The following ANKFN1 variants were observed in gnomAD, a reference collection of about 807,000 sequenced individuals.
The protein encoded by ANKFN1 is ankyrin repeat and fibronectin type III domain containing 1, also known as ankyrin repeat and fibronectin type-III domain-containing protein 1.
In ANKFN1, 74 loss-of-function variants were observed where a neutral mutation model predicts 108.7. The observed-to-expected ratio is 0.68, with a 90% CI of 0.56 to 0.83. ANKFN1 has a LOEUF of 0.83. Among genes scored for constraint, ANKFN1 ranks in the 40% least tolerant of loss-of-function variants. ANKFN1 has a pLI of 0.00. For synonymous variants in ANKFN1, 547 were observed against 516.2 expected, an observed-to-expected ratio of 1.06 and a Z score of -0.81; for missense variants, 1,505 against 1,382.3, an observed-to-expected ratio of 1.09 and a Z score of -1.41.
chr17:56,378,780 G>C (rs2047010167), intron 8 of ANKFN1, among the ~76,000 whole-genome samples: 1 of 152,140 alleles, frequency 6.6e-6, no homozygotes, highest in Non-Finnish European at 1.5e-5. Context: ...ATATGAAAGT[G>C]GGGTTAGTGA....
chr17:56,300,550 AT>A (rs2044643217), intron 3 of ANKFN1, among the ~76,000 whole-genome samples: 2 of 147,314 alleles, frequency 1.4e-5, no homozygotes. Context: ...TTATAATGAT[AT>A]TTTTTAGCCT....
chr17:56,497,200 G>A (rs2051225553), intron 19 of ANKFN1, among the ~76,000 whole-genome samples: 2 of 152,140 alleles, frequency 1.3e-5, no homozygotes, highest in Non-Finnish European at 2.9e-5. Context: ...ATTCATCTGA[G>A]TCTCATCTGG....
chr17:56,355,088 G>A (rs939896737), intron 6 of ANKFN1, among the ~76,000 whole-genome samples: 1 of 152,116 alleles, frequency 6.6e-6, no homozygotes, highest in Non-Finnish European at 1.5e-5. Context: ...AAAGTAGCTA[G>A]AAGAGAGGCT....
chr17:56,279,976 C>A (rs2044028997), intron 3 of ANKFN1, among the ~76,000 whole-genome samples: 1 of 150,680 alleles, frequency 6.6e-6, no homozygotes, highest in Non-Finnish European at 1.5e-5. Context: ...CCAATTAAAT[C>A]AGAATATTTC....
At chr17:56,133,556 G>A in intron 4 of ANKFN1, among the ~76,000 whole-genome samples, 1 of 150,686 alleles carries the variant, frequency 6.6e-6, no homozygotes, top group South Asian at 2.1e-4. Flanking sequence ...GTGTGTGTGT[G>A]TGTGTGTGTG....
chr17:56,470,892 A>C (rs1469863039), intron 15 of ANKFN1, among the ~76,000 whole-genome samples: 1 of 152,190 alleles, frequency 6.6e-6, no homozygotes, highest in Non-Finnish European at 1.5e-5. Flanking sequence ...GTAATTGGCA[A>C]TGAGAGTATT....
chr17:56,326,021 C>CTACACTTGTGTGTAGTA (rs1298254717), intron 3 of ANKFN1, among the ~76,000 whole-genome samples, 200 bp from the exon 4 acceptor site: 5 of 152,212 alleles, frequency 3.3e-5, no homozygotes, highest in African/African-American at 1.2e-4. Context: ...TTTCACTACA[C>CTACACTTGTGTGTAGTA]GCACACAAGC....
intron 4 of ANKFN1, among the ~76,000 whole-genome samples, chr17:56,141,685 G>A (rs1907926138): frequency 6.6e-6 from 1 of 152,042 alleles, no homozygotes; most frequent in South Asian, 2.1e-4. Context: ...GGGGGGTGGG[G>A]GAGCAGGAAT....
chr17:56,347,189 A>G (rs2046127645), intron 4 of ANKFN1, among the ~76,000 whole-genome samples: 1 of 151,976 alleles, frequency 6.6e-6, no homozygotes, highest in Non-Finnish European at 1.5e-5. Flanking sequence ...AGAAGTCTCT[A>G]CTTGAGTACA....
In ANKFN1 at chr17:56,214,455, T is replaced by TAC. The variant is rs979268386; in HGVS notation, c.12+1778_12+1779dup. Among the ~76,000 whole-genome samples, 25 of 152,322 alleles carry TAC rather than the reference T, an allele frequency of 1.6e-4. No homozygotes were observed. The South Asian group carries it at 2.3e-3, about 14-fold the overall frequency. ...AGCCAGGAGTGTGGCCTGAGATAGT[T>TAC]ACATCTCTGAGATTACATCTTTCTT... is the stretch of plus-strand genomic sequence containing the variant. On this transcript the variant is annotated intron_variant, in intron 2 of 20. Transcript: ENST00000682825.
At chr17:56,167,809 A>C (rs1337010546) in intron 1 of ANKFN1, among the ~76,000 whole-genome samples, 1 of 152,150 alleles carries the variant, frequency 6.6e-6, no homozygotes, top group Non-Finnish European at 1.5e-5. Context: ...CAGCAGGGGA[A>C]GAGGGAGAGA....
intron 3 of ANKFN1, among the ~76,000 whole-genome samples, chr17:56,309,648 AC>A (rs2044949858): frequency 6.6e-6 from 1 of 152,090 alleles, no homozygotes. Flanking sequence ...ACATCCCAAA[AC>A]CCCCAACAGA....
At chr17:56,287,757 C>A (rs2044255659) in intron 3 of ANKFN1, among the ~76,000 whole-genome samples, 1 of 152,126 alleles carries the variant, frequency 6.6e-6, no homozygotes, top group African/African-American at 2.4e-5. Context: ...AAAGGGCAAC[C>A]AATTCTCAAA....
At position 56,290,985 on chromosome 17, in the gene ANKFN1, A is replaced by C. The variant is rs1479414582; in HGVS notation, c.54-35236A>C. On this transcript the variant is annotated intron_variant, in intron 3 of 20. Coordinates refer to ENST00000682825, the MANE Select transcript of ANKFN1 (RefSeq NM_001370326.1). ...AATGACTTAATAAATGAGGATTTAA[A>C]TAGTTCCATCCTAGAGAGGCAAAGA... Among the ~76,000 whole-genome samples the C allele has an allele frequency of 8.5e-5, 13 of 152,170 alleles. No individual in the cohort carries two copies. The East Asian group carries it at 1.9e-3, about 23-fold the overall frequency.
At chr17:56,090,426 T>C (rs1905390905) in intron 4 of ANKFN1, among the ~76,000 whole-genome samples, 1 of 151,254 alleles carries the variant, frequency 6.6e-6, no homozygotes, top group African/African-American at 2.4e-5. Flanking sequence ...CCCCAAACCA[T>C]GATCACCTAA....
At chr17:56,074,009 A>G (rs1308533524) in intron 4 of ANKFN1, among the ~76,000 whole-genome samples, 1 of 152,170 alleles carries the variant, frequency 6.6e-6, no homozygotes, top group African/African-American at 2.4e-5. Context: ...TTGGGTATAT[A>G]CCTAGGAGTA....
At chr17:56,409,275 A>T (rs1287020775) in intron 8 of ANKFN1, among the ~76,000 whole-genome samples, 1 of 152,156 alleles carries the variant, frequency 6.6e-6, no homozygotes, top group Non-Finnish European at 1.5e-5. Context: ...ACCTTATAAG[A>T]TTCCAAGAAA....
At chr17:56,144,176 A>AAC (rs1908105776) in intron 4 of ANKFN1, among the ~76,000 whole-genome samples, 1 of 121,876 alleles carries the variant, frequency 8.2e-6, no homozygotes, top group African/African-American at 2.8e-5. Context: ...AAAAAAAAAA[A>AAC]AAAAAAAAAC....
chr17:56,309,686 C>A (rs1203946982), intron 3 of ANKFN1, among the ~76,000 whole-genome samples: 1 of 152,072 alleles, frequency 6.6e-6, no homozygotes, highest in Admixed American at 6.5e-5. Flanking sequence ...TAATACTGAA[C>A]CCTATATACA....
Sources: allele counts gnomAD v4.1 joint callset (sites outside exome capture counted in the v4.1 genomes callset), GRCh38; gene constraint gnomAD v4.1.1; transcripts MANE v1.5; gene names NCBI Gene and HGNC (gene_info 2026-07-23, HGNC 2026-07-21).